The following ST7 variants were observed in gnomAD, a reference collection of about 807,000 sequenced individuals.
ST7 encodes suppression of tumorigenicity 7.
ST7 carries 28 observed loss-of-function variants against 78.7 expected under a neutral mutation model. The ratio of observed to expected loss-of-function variants is 0.36; its 90% CI spans 0.26 to 0.49. The LOEUF (loss-of-function observed/expected upper bound fraction) is 0.49. ST7 is among the 20% of genes least tolerant of loss of function. ST7 has a pLI of 0.99. For missense variants in ST7, 418 were observed against 696.0 expected (o/e 0.60, Z 4.49); for synonymous variants, 247 against 249.6 (o/e 0.99, Z 0.10).
chr7:117,081,117 A>G (rs1799741259), intron 1 of ST7: 1 of 152,160 alleles, frequency 6.6e-6, no homozygotes, highest in African/African-American at 2.4e-5. Context: ...ATTTCCAAAT[A>G]AAAGCAAAAA....
chr7:117,195,484 A>G (rs1810222729), intron 12 of ST7, among the ~76,000 whole-genome samples: 1 of 152,228 alleles, frequency 6.6e-6, no homozygotes, highest in Non-Finnish European at 1.5e-5. Context: ...AAATAAAGAC[A>G]TACTCAAGAC....
At chr7:117,072,340 T>G (rs1799019294) in intron 1 of ST7, 1 of 152,224 alleles carries the variant, frequency 6.6e-6, no homozygotes, top group Admixed American at 6.5e-5. Context: ...ATCTTCTGAA[T>G]GGCTTACTTA....
At chr7:117,059,894 G>A (rs1431404263) in intron 1 of ST7, among the ~76,000 whole-genome samples, 1 of 151,704 alleles carries the variant, frequency 6.6e-6, no homozygotes, top group Non-Finnish European at 1.5e-5. Context: ...GAGGTGGGAG[G>A]ATCGCTTGAT....
intron 1 of ST7, among the ~76,000 whole-genome samples, chr7:116,984,857 A>G (rs900234881): frequency 6.6e-6 from 1 of 152,204 alleles, no homozygotes; most frequent in African/African-American, 2.4e-5. Flanking sequence ...TATTTACCCT[A>G]AAACTGGCAT....
At chr7:117,201,111 C>A (rs1810805511) in intron 12 of ST7, among the ~76,000 whole-genome samples, 2 of 152,016 alleles carry the variant, frequency 1.3e-5, no homozygotes, top group African/African-American at 2.4e-5. Context: ...ATGCTTGAAG[C>A]GTGGAAGCAG....
In ST7 at chr7:117,065,011, T is replaced by C. The variant is rs1024771473; in HGVS notation, c.152-34751T>C. ...TATCTCTTAAACTGTCTAACACTTA[T>C]AAGCACACTGCCTGCAACTCTGCAG... is the stretch of plus-strand genomic sequence containing the variant. On this transcript the variant is annotated intron_variant, in intron 1 of 15. Coordinates refer to ENST00000323984, the MANE Select transcript of ST7 (RefSeq NM_001369598.1). 4.6e-5 allele frequency among the ~76,000 whole-genome samples: 7 copies of C among 152,184 alleles called. No individual in the cohort carries two copies. In the East Asian group the frequency reaches 1.3e-3, roughly 29 times the overall value.
chr7:117,192,655 A>T (rs887582317), intron 12 of ST7, among the ~76,000 whole-genome samples: 3 of 152,160 alleles, frequency 2.0e-5, no homozygotes, highest in Non-Finnish European at 1.5e-5. Flanking sequence ...CCGTGATCCT[A>T]ACTAGAGCCT....
intron 13 of ST7, 165 bp from the exon 14 acceptor site, chr7:117,218,919 C>T (rs2116145945): frequency 1.7e-6 from 1 of 590,372 alleles, no homozygotes; most frequent in Non-Finnish European, 3.0e-6. Context: ...TAATCCATCA[C>T]AATTTATCTC....
intron 1 of ST7, among the ~76,000 whole-genome samples, chr7:117,027,496 A>AGTAAG (rs1350084209): frequency 2.0e-5 from 3 of 151,530 alleles, no homozygotes; most frequent in African/African-American, 7.3e-5. Context: ...AGTAAAGTAA[A>AGTAAG]GTAAGTAAAG....
chr7:117,032,302 C>T (rs894068479), intron 1 of ST7, among the ~76,000 whole-genome samples: 8 of 151,960 alleles, frequency 5.3e-5, no homozygotes, highest in Non-Finnish European at 1.2e-4. Flanking sequence ...TCTTGTTTGT[C>T]GTATCTTAGG....
At chr7:117,173,839 A>G (rs1302417281) in intron 10 of ST7, among the ~76,000 whole-genome samples, 1 of 152,126 alleles carries the variant, frequency 6.6e-6, no homozygotes, top group Non-Finnish European at 1.5e-5. Context: ...TTTAAGTAGT[A>G]TGCTGGGAAC....
chr7:117,109,959 A>G (rs900786921), intron 2 of ST7, among the ~76,000 whole-genome samples: 1 of 152,230 alleles, frequency 6.6e-6, no homozygotes, highest in Non-Finnish European at 1.5e-5. Flanking sequence ...TCATTTCAAT[A>G]GATGCAGAAA....
chr7:117,064,151 A>G (rs773759869), intron 1 of ST7, among the ~76,000 whole-genome samples: 2 of 152,052 alleles, frequency 1.3e-5, no homozygotes, highest in Non-Finnish European at 2.9e-5. Context: ...TATTGAAGAT[A>G]AACATTAAAA....
intron 15 of ST7, among the ~76,000 whole-genome samples, chr7:117,225,244 T>C (rs903105290): frequency 6.6e-5 from 10 of 152,210 alleles, no homozygotes; most frequent in African/African-American, 2.2e-4. Context: ...TTTCATGTTT[T>C]CAAAGCTTTG....
In ST7 at chr7:117,097,896, ATATATATATATATT is replaced by A. The variant is rs1186212129; in HGVS notation, c.152-1864_152-1851del. On this transcript the variant is annotated intron_variant, in intron 1 of 15. Transcript: ENST00000323984. ...GACATATCACTATATATATATATAT[ATATATATATATATT>A]TTTTTTTTTTTTTTTTTTGATGGCC... Among the ~76,000 whole-genome samples, 100 of 24,276 alleles carry A rather than the reference ATATATATATATATT, an allele frequency of 4.1e-3. 3 individuals carry two copies. The highest frequency in any genetic ancestry group is 0.013 in the South Asian group (9 of 670). 15.9% of individuals were successfully genotyped at this position (24,276 alleles called of 152,430 possible).
rs1365085284 is a variant in ST7, at chr7:117,015,436, G to A, written c.151+61745G>A. Among the ~76,000 whole-genome samples, 2 of 152,148 alleles carry A rather than the reference G, an allele frequency of 1.3e-5. 1 individual carries two copies. Among genetic ancestry groups the A allele is most frequent in the East Asian group, 3.9e-4 (2 of 5,192 alleles). ...GTGCTTGTGTATTGCTCTTTTAGAT[G>A]GTGTTAATGTAATGAAGTGAATTGG... On this transcript the variant is annotated intron_variant, in intron 1 of 15. Transcript: ENST00000323984.
rs768319525 is a variant in ST7, at chr7:117,193,229, C to T, written c.1254+2293C>T. Among the ~76,000 whole-genome samples, 9 of 151,870 alleles carry T rather than the reference C, an allele frequency of 5.9e-5. 1 individual carries two copies. In the South Asian group the frequency reaches 8.3e-4, roughly 14 times the overall value. On this transcript the variant is annotated intron_variant, in intron 12 of 15. Transcript: ENST00000323984. ...AATAGTCTTAGTTCTAATGAGACATCGGTGAAGGTTACAAACTCTTGGACT... is the reference window on the plus strand; with the variant it reads ...AATAGTCTTAGTTCTAATGAGACATTGGTGAAGGTTACAAACTCTTGGACT...
chr7:117,013,971 C>A (rs1180409697), intron 1 of ST7, among the ~76,000 whole-genome samples: 1 of 152,146 alleles, frequency 6.6e-6, no homozygotes, highest in African/African-American at 2.4e-5. Context: ...CATTTTATAG[C>A]ATTGTCAACT....
chr7:117,030,747 A>G (rs925176599), intron 1 of ST7, among the ~76,000 whole-genome samples: 1 of 152,188 alleles, frequency 6.6e-6, no homozygotes, highest in African/African-American at 2.4e-5. Context: ...GGAAGTGTAA[A>G]TTAGTTCAGC....
Sources: allele counts gnomAD v4.1 joint callset (sites outside exome capture counted in the v4.1 genomes callset), GRCh38; gene constraint gnomAD v4.1.1; transcripts MANE v1.5; gene names NCBI Gene and HGNC (gene_info 2026-07-23, HGNC 2026-07-21).